DDX60: variants seen among roughly 807,000 people sequenced by gnomAD.
The protein encoded by DDX60 is DExD/H-box helicase 60, also known as probable ATP-dependent RNA helicase DDX60.
DDX60 carries 165 observed loss-of-function variants against 212.8 expected under a neutral mutation model. That is an observed-to-expected ratio of 0.78 (90% CI 0.68 to 0.88). DDX60 has a LOEUF of 0.88. DDX60 is among the 40% of genes least tolerant of loss of function. The pLI, the probability that DDX60 is intolerant of heterozygous loss-of-function variation, is 0.00. For missense variants in DDX60, 1,905 were observed against 2,003.9 expected (o/e 0.95, Z 0.94); for synonymous variants, 703 against 685.3 (o/e 1.03, Z -0.40).
At chr4:168,252,896 C>A (rs1052201620) in intron 26 of DDX60, among the ~76,000 whole-genome samples, 1 of 152,042 alleles carries the variant, frequency 6.6e-6, no homozygotes, top group Non-Finnish European at 1.5e-5. Flanking sequence ...CCTCCACTTC[C>A]TGGGTTCAAG....
At chr4:168,278,525 A>G (rs620927) in intron 14 of DDX60, among the ~76,000 whole-genome samples, 16,774 of 152,220 alleles carry the variant, frequency 0.11, 1,166 homozygotes, top group African/African-American at 0.19. Context: ...ACTGAAAAAT[A>G]TAAAAAATAC....
At chr4:168,310,963 T>C (rs767936724) in intron 3 of DDX60, 35 bp downstream of exon 3, 3 of 1,269,070 alleles carry the variant, frequency 2.4e-6, no homozygotes, top group Non-Finnish European at 3.4e-6. Flanking sequence ...ACATGAGCTA[T>C]GATTTCCCGT....
intron 5 of DDX60, among the ~76,000 whole-genome samples, chr4:168,303,337 G>C (rs1477567408): frequency 3.3e-5 from 5 of 151,370 alleles, no homozygotes; most frequent in Middle Eastern, 3.2e-3. Context: ...GGAAAGATTC[G>C]ACAGTGTGTA....
At position 168,237,366 on chromosome 4, in the gene DDX60, T is replaced by C. The variant is rs771497232; in HGVS notation, c.4331A>G (p.Tyr1444Cys). The C allele has an allele frequency of 1.9e-6, 3 of 1,600,270 alleles. No homozygotes were observed. The East Asian group carries it at 6.8e-5, about 36-fold the overall frequency. The change falls in exon 32 of 38, where the codon TAT (tyrosine) becomes TGT (cysteine). Residue 1444 changes from tyrosine (Y) to cysteine (C), a missense_variant. Physicochemically the swap from Tyr to Cys is radical, Grantham distance 194 (BLOSUM62 -2). Transcript: ENST00000393743. ...GFAGLVSHLH[Y>C]HEPSNLVFVS... ...AAAAACAAGATTAGAAGGTTCATGA[T>C]AATGCAAATGTGATACAAGTCCAGC...
intron 11 of DDX60, 60 bp downstream of exon 11, chr4:168,285,333 G>A (rs183689633): frequency 5.6e-5 from 53 of 949,346 alleles, no homozygotes; most frequent in Middle Eastern, 2.5e-4. Flanking sequence ...AATAATCCTC[G>A]TTGAGTAACT....
Position 168,293,964 on chromosome 4 carries a change from G to C in DDX60, c.724-19C>G. ...TGTGTGCCTGTCAAAGAAAAAAATT[G>C]TAATGTGTCATGCTATTTAGAAAAA... On this transcript the variant is annotated intron_variant, in intron 6 of 37. Transcript: ENST00000393743. The C allele has an allele frequency of 6.2e-7, 1 of 1,601,326 alleles. No individual in the cohort carries two copies.
chr4:168,254,674 T>C (rs544402370), intron 26 of DDX60, among the ~76,000 whole-genome samples: 1 of 152,236 alleles, frequency 6.6e-6, no homozygotes, highest in East Asian at 1.9e-4. Context: ...ATTGATCTAC[T>C]AGCTATTGAA....
intron 5 of DDX60, among the ~76,000 whole-genome samples, chr4:168,305,063 G>T (rs1019988360): frequency 2.0e-5 from 3 of 152,018 alleles, no homozygotes; most frequent in African/African-American, 7.3e-5. Flanking sequence ...TCTATGTTTA[G>T]ATATGCTTAG....
chr4:168,232,995 TCAAA>T (rs1351636682), intron 33 of DDX60, among the ~76,000 whole-genome samples: 1 of 151,630 alleles, frequency 6.6e-6, no homozygotes, highest in Non-Finnish European at 1.5e-5. Flanking sequence ...TACAAAGAAC[TCAAA>T]CAAAGCAGCA....
rs1274571594 is a variant in DDX60, at chr4:168,284,927, G to A, written c.1454C>T (p.Pro485Leu). 6.4e-7 allele frequency: 1 copy of A among 1,558,600 alleles called. No individual in the cohort carries two copies. Among genetic ancestry groups the A allele is most frequent in the Non-Finnish European group, 8.8e-7 (1 of 1,142,144 alleles). The stretch of plus-strand genomic sequence containing the variant: ...TTGTTTAACCAGTGAAGTAACAATA[G>A]GATCATCACTGTGAGACAAAAAAAG... The part of the protein sequence containing the change: ...KDLPFLKSDD[P>L]IVTSLVKQKE... Residue 485 changes from proline to leucine, a missense_variant, in exon 12 of 38, where the codon CCT (proline) becomes CTT (leucine). Coordinates refer to ENST00000393743, the MANE Select transcript of DDX60 (RefSeq NM_017631.6).
intron 5 of DDX60, among the ~76,000 whole-genome samples, chr4:168,302,971 T>C (rs1024578871): frequency 6.6e-6 from 1 of 151,972 alleles, no homozygotes; most frequent in African/African-American, 2.4e-5. Context: ...TTCAACAAAT[T>C]AGGAAATAGA....
intron 6 of DDX60, among the ~76,000 whole-genome samples, chr4:168,294,983 A>G (rs1048613227): frequency 6.6e-6 from 1 of 152,228 alleles, no homozygotes; most frequent in Non-Finnish European, 1.5e-5. Flanking sequence ...CTCAGCGTTA[A>G]TAATTATACC....
intron 28 of DDX60, among the ~76,000 whole-genome samples, chr4:168,248,873 C>T (rs1179244021): frequency 6.6e-6 from 1 of 152,000 alleles, no homozygotes; most frequent in Non-Finnish European, 1.5e-5. Context: ...GATTCTCCTG[C>T]CTCAACCTCC....
chr4:168,248,515 G>A (rs147627252), intron 28 of DDX60, among the ~76,000 whole-genome samples: 38 of 152,174 alleles, frequency 2.5e-4, no homozygotes, highest in Middle Eastern at 3.4e-3. Flanking sequence ...CCAAATATTC[G>A]TTTCTCTGGC....
chr4:168,226,456 C>T (rs1179442988), intron 33 of DDX60, among the ~76,000 whole-genome samples: 1 of 151,978 alleles, frequency 6.6e-6, no homozygotes, highest in East Asian at 1.9e-4. Flanking sequence ...AGCATAAAGA[C>T]AACCATCTAT....
At chr4:168,289,073 T>C (rs1249409132) in intron 8 of DDX60, among the ~76,000 whole-genome samples, 3 of 152,176 alleles carry the variant, frequency 2.0e-5, no homozygotes, top group Non-Finnish European at 1.5e-5. Context: ...CTCAACTTGA[T>C]CATTCATTAG....
At chr4:168,231,099 C>T (rs984655297) in intron 33 of DDX60, among the ~76,000 whole-genome samples, 4 of 151,578 alleles carry the variant, frequency 2.6e-5, no homozygotes, top group Non-Finnish European at 5.9e-5. Flanking sequence ...AACTGGAAAA[C>T]TTAGAGGAGA....
intron 26 of DDX60, among the ~76,000 whole-genome samples, chr4:168,252,951 TCCA>T (rs1560829142): frequency 6.6e-6 from 1 of 152,066 alleles, no homozygotes; most frequent in Non-Finnish European, 1.5e-5. Flanking sequence ...ATTACAGGTG[TCCA>T]CCACCGCACC....
intron 26 of DDX60, 45 bp downstream of exon 26, chr4:168,255,666 G>C (rs1381449737): frequency 6.8e-7 from 1 of 1,475,920 alleles, no homozygotes; most frequent in African/African-American, 1.4e-5. Flanking sequence ...GACTTGGGGA[G>C]TATTTTAACC....
Sources: gnomAD v4.1 joint callset for allele counts (sites outside exome capture counted in the v4.1 genomes callset) on GRCh38, gnomAD v4.1.1 for gene constraint, MANE v1.5 for transcripts, NCBI Gene and HGNC (gene_info 2026-07-23, HGNC 2026-07-21) for gene names.